Variants in DNAH12 observed in about 807,000 individuals in gnomAD.
The protein encoded by DNAH12 is dynein axonemal heavy chain 12, also known as axonemal beta dynein heavy chain 12.
A neutral mutation model predicts 371.5 loss-of-function variants in DNAH12; 285 were observed. That is an observed-to-expected ratio of 0.77 (90% CI 0.70 to 0.85). The LOEUF (loss-of-function observed/expected upper bound fraction) is 0.85, where lower values mean the gene tolerates loss of function less well. Among genes scored for constraint, DNAH12 ranks in the 40% least tolerant of loss-of-function variants. The probability of loss-of-function intolerance (pLI) is 0.00; values close to 1 mark genes in which losing one functional copy is unlikely to be tolerated. For missense variants in DNAH12, 3,611 were observed against 3,689.4 expected (o/e 0.98, Z 0.55); for synonymous variants, 1,200 against 1,213.0 (o/e 0.99, Z 0.22).
At chr3:57,501,300 A>C in intron 11 of DNAH12, 21 bp downstream of exon 11, 1 of 1,581,974 alleles carries the variant, frequency 6.3e-7, no homozygotes, top group Admixed American at 1.8e-5. Context: ...ACGCATTAAT[A>C]AAAACAGAAT....
chr3:57,486,380 C>T (rs1160242466), intron 12 of DNAH12, among the ~76,000 whole-genome samples: 4 of 150,610 alleles, frequency 2.7e-5, no homozygotes, highest in South Asian at 2.1e-4. Flanking sequence ...AATCAGCCTA[C>T]GCAACATGGC....
intron 62 of DNAH12, among the ~76,000 whole-genome samples, chr3:57,333,270 A>G (rs1392935020): frequency 6.7e-6 from 1 of 149,550 alleles, no homozygotes; most frequent in Non-Finnish European, 1.5e-5. Context: ...CAGCCTCCCA[A>G]AGTACTGGGA....
At chr3:57,413,253 A>T (rs6445875) in intron 39 of DNAH12, among the ~76,000 whole-genome samples, 83,299 of 151,838 alleles carry the variant, frequency 0.55, 23,819 homozygotes, top group African/African-American at 0.72. Context: ...ATAGAGAGAA[A>T]AAGAAATTAA....
intron 12 of DNAH12, among the ~76,000 whole-genome samples, chr3:57,488,464 T>C (rs2067010314): frequency 6.6e-6 from 1 of 152,134 alleles, no homozygotes; most frequent in Admixed American, 6.5e-5. Flanking sequence ...AGTGCTGGGA[T>C]TACAGGCATG....
At chr3:57,395,779 T>TA (rs1553676372) in intron 43 of DNAH12, among the ~76,000 whole-genome samples, 1,691 of 151,466 alleles carry the variant, frequency 0.011, 27 homozygotes, top group African/African-American at 0.038. Context: ...AGCCTGTCTC[T>TA]AAAAAAATAA....
intron 4 of DNAH12, among the ~76,000 whole-genome samples, chr3:57,516,934 C>A (rs1218265678): frequency 6.6e-6 from 1 of 152,112 alleles, no homozygotes; most frequent in Non-Finnish European, 1.5e-5. Flanking sequence ...GGCTCCTGAC[C>A]CCCTTTTCAA....
At chr3:57,450,642 C>A (rs1158280377) in intron 25 of DNAH12, among the ~76,000 whole-genome samples, 1 of 152,218 alleles carries the variant, frequency 6.6e-6, no homozygotes, top group Non-Finnish European at 1.5e-5. Flanking sequence ...ACAGAGGTAA[C>A]AGATATGACA....
chr3:57,383,686 A>T (rs1489465922), intron 49 of DNAH12, among the ~76,000 whole-genome samples: 1 of 150,334 alleles, frequency 6.7e-6, no homozygotes, highest in Non-Finnish European at 1.5e-5. Context: ...CTTTAGCCCA[A>T]AAGTTTCAGG....
rs144500846 is a variant in DNAH12 at position 57,542,532 on chromosome 3, T to A, written c.170+169A>T. On this transcript the variant is annotated intron_variant, in intron 2 of 73. Coordinates refer to ENST00000495027, the MANE Select transcript of DNAH12 (RefSeq NM_001366028.2). ...GAACAATGTCTGTCAGTGTACAGTGTATAATATTTGCTACCATTACAATTA... is the reference window on the plus strand; with the variant it reads ...GAACAATGTCTGTCAGTGTACAGTGAATAATATTTGCTACCATTACAATTA... Among the ~76,000 whole-genome samples, 152 of 152,356 alleles carry A rather than the reference T, an allele frequency of 1.0e-3. 1 individual carries two copies. The East Asian group carries it at 0.024, about 24-fold the overall frequency.
chr3:57,391,554 C>CCCT (rs2063624048), intron 45 of DNAH12, among the ~76,000 whole-genome samples: 1 of 152,172 alleles, frequency 6.6e-6, no homozygotes, highest in East Asian at 1.9e-4. Flanking sequence ...CTAATACACT[C>CCCT]CCTCTCTATG....
chr3:57,368,601 G>A (rs1308072493), intron 55 of DNAH12, among the ~76,000 whole-genome samples: 3 of 151,968 alleles, frequency 2.0e-5, no homozygotes, highest in Non-Finnish European at 2.9e-5. Context: ...TTTAATACAC[G>A]ACATCTGTTA....
At chr3:57,485,026 A>G (rs969409355) in intron 12 of DNAH12, among the ~76,000 whole-genome samples, 1 of 152,222 alleles carries the variant, frequency 6.6e-6, no homozygotes, top group Non-Finnish European at 1.5e-5. Flanking sequence ...TTAAAAGTCA[A>G]AAAACAATAG....
At chr3:57,302,553 A>ATGGTT (rs1559535314) in intron 69 of DNAH12, among the ~76,000 whole-genome samples, 5 of 86,374 alleles carry the variant, frequency 5.8e-5, no homozygotes, top group Admixed American at 1.6e-4. Context: ...ATATATATAT[A>ATGGTT]TATATATATA....
At chr3:57,509,861 T>TAAAAAAAAAAAAA (rs902155403) in intron 5 of DNAH12, among the ~76,000 whole-genome samples, 51 of 46,558 alleles carry the variant, frequency 1.1e-3, no homozygotes, top group Non-Finnish European at 1.7e-3. Flanking sequence ...GACTCCATCA[T>TAAAAAAAAAAAAA]AAAAAAAAAA....
chr3:57,444,883 C>T (rs2065429242), intron 28 of DNAH12, 67 bp from the exon 29 acceptor site: 2 of 1,494,602 alleles, frequency 1.3e-6, no homozygotes, highest in Admixed American at 2.3e-5. Flanking sequence ...TTCTCCCTCC[C>T]CTCCCAGCCC....
At chr3:57,298,051 G>T (rs2061270081) in intron 70 of DNAH12, among the ~76,000 whole-genome samples, 1 of 152,144 alleles carries the variant, frequency 6.6e-6, no homozygotes, top group Non-Finnish European at 1.5e-5. Context: ...ATCTGGACTG[G>T]ACTAAAGGGA....
At chr3:57,296,210 T>C (rs149153309) in intron 72 of DNAH12, 134 bp downstream of exon 72, 139 of 546,060 alleles carry the variant, frequency 2.5e-4, no homozygotes, top group African/African-American at 2.3e-3. Flanking sequence ...CCAGCTTGAC[T>C]AATAATTTAT....
In DNAH12 at chr3:57,462,802, A is replaced by G; in HGVS notation, c.2423T>C (p.Ile808Thr). Residue 808 changes from isoleucine to threonine, a missense_variant, in exon 18 of 74, where the codon ATT (isoleucine) becomes ACT (threonine). Coordinates refer to ENST00000495027, the MANE Select transcript of DNAH12 (RefSeq NM_001366028.2). ...RARHWKQISEIVGYDLTPDSG... is the reference protein window; with the variant it reads ...RARHWKQISETVGYDLTPDSG... The stretch of plus-strand genomic sequence containing the variant: ...GTCTGGAGTCAAGTCATAGCCTACA[A>G]TTTCTGATATCTGTTTCCAGTGACG... 1 of 1,551,398 alleles carries G rather than the reference A, an allele frequency of 6.4e-7. No homozygotes were observed. The highest frequency in any genetic ancestry group is 1.4e-5 in the African/African-American group (1 of 73,088).
At chr3:57,433,097 TAAC>T (rs1443314135) in intron 32 of DNAH12, among the ~76,000 whole-genome samples, 2 of 151,278 alleles carry the variant, frequency 1.3e-5, no homozygotes, top group Non-Finnish European at 2.9e-5. Flanking sequence ...TGAAGTCACT[TAAC>T]AACTTATTCT....
Sources: gnomAD v4.1 joint callset for allele counts (sites outside exome capture counted in the v4.1 genomes callset) on GRCh38, gnomAD v4.1.1 for gene constraint, MANE v1.5 for transcripts, NCBI Gene and HGNC (gene_info 2026-07-23, HGNC 2026-07-21) for gene names.